Variants in C16orf46 observed in about 807,000 individuals in gnomAD.
C16orf46 encodes uncharacterized protein C16orf46.
Under a neutral mutation model 5.5 loss-of-function variants are expected in C16orf46, and 7 were observed. The observed-to-expected ratio is 1.28, with a 90% confidence interval of 0.73 to 2.40. C16orf46 has a LOEUF of 2.40. Ranked by LOEUF, C16orf46 falls within the 30% of genes most tolerant of loss-of-function variation. The probability of loss-of-function intolerance (pLI) is 0.00; values close to 1 mark genes in which losing one functional copy is unlikely to be tolerated. For missense variants in C16orf46, 614 were observed against 476.0 expected (o/e 1.29, Z -2.70); for synonymous variants, 200 against 184.1 (o/e 1.09, Z -0.70).
Position 81,061,853 on chromosome 16 carries a change from T to C in C16orf46, c.496A>G (p.Lys166Glu). Residue 166 changes from lysine to glutamate, a missense_variant, in exon 4 of 4, where the codon AAG becomes GAG. Lys to Glu is a moderately conservative substitution (Grantham distance 56). Coordinates refer to ENST00000299578, the MANE Select transcript of C16orf46 (RefSeq NM_152337.3). ...FRAEKKSLQI[K>E]EFIWCNKDWA... ...TCTTTGTTGCACCAAATAAACTCCT[T>C]GATTTGCAGACTTTTTTTCTCTGCT... 1.9e-6 allele frequency: 3 copies of C among 1,614,194 alleles called. No homozygotes were observed. The highest frequency in any genetic ancestry group is 2.5e-6 in the Non-Finnish European group (3 of 1,180,040).
chr16:81,061,757 A>G lies in C16orf46; in HGVS notation c.592T>C (p.Ser198Pro), dbSNP rs1971485799. 5.0e-6 allele frequency: 8 copies of G among 1,613,754 alleles called. No individual in the cohort carries two copies. The highest frequency in any genetic ancestry group is 5.9e-6 in the Non-Finnish European group (7 of 1,179,918). The change falls in exon 4 of 4, where the codon TCC becomes CCC. Residue 198 changes from serine (S) to proline (P), a missense_variant. Physicochemically the swap from Ser to Pro is moderately conservative, Grantham distance 74. Transcript: ENST00000299578. ...NPSGGAHRGL[S>P]IPGPLTSRAL... The stretch of plus-strand genomic sequence containing the variant: ...CTGGAAGTCAGGGGGCCTGGGATGG[A>G]CAGCCCTCTGTGGGCCCCTCCACTG...
downstream of C16orf46, among the ~76,000 whole-genome samples, chr16:81,059,950 G>A (rs753402622): frequency 4.4e-4 from 67 of 151,836 alleles, no homozygotes; most frequent in Admixed American, 1.1e-3. Flanking sequence ...CACCACGCCC[G>A]GCTAATTTTT....
At chr16:81,059,462 C>G (rs10459871), downstream of C16orf46, among the ~76,000 whole-genome samples, 12,145 of 152,106 alleles carry the variant, frequency 0.08, 535 homozygotes, top group East Asian at 0.2. Context: ...TCAAGTCCAA[C>G]CTACCTTAAG....
intron 3 of C16orf46, among the ~76,000 whole-genome samples, chr16:81,062,906 A>G (rs1221199905): frequency 1.6e-5 from 2 of 122,016 alleles, no homozygotes; most frequent in Non-Finnish European, 3.5e-5. Context: ...GTTTTCTTAT[A>G]GTTTTAAATA....
intron 1 of C16orf46, among the ~76,000 whole-genome samples, chr16:81,070,751 G>T (rs902862105): frequency 1.3e-5 from 2 of 152,212 alleles, no homozygotes; most frequent in Middle Eastern, 3.4e-3. Flanking sequence ...GCAATGGCAT[G>T]GTCTCGGCTC....
chr16:81,061,308 A>G lies in C16orf46; in HGVS notation c.1041T>C (p.Pro347=), dbSNP rs537563624. 2.0e-5 allele frequency: 32 copies of G among 1,614,112 alleles called. No individual in the cohort carries two copies. In the South Asian group the frequency reaches 3.5e-4, roughly 18 times the overall value. The stretch of plus-strand genomic sequence containing the variant: ...GGAGAACATGCTTTCGGGTGATCAC[A>G]GGAGATCTTGGCTCCTTGGCTTTGA... ...SKFKAKEPRS[P]VITRKHVLPK... The change falls in exon 4 of 4, where the codon CCT becomes CCC. Residue 347 remains proline, a synonymous_variant. Transcript: ENST00000299578.
At chr16:81,055,038 CTAAA>C (rs1345485306) in intron 3 of C16orf46, among the ~76,000 whole-genome samples, 1 of 152,208 alleles carries the variant, frequency 6.6e-6, no homozygotes, top group African/African-American at 2.4e-5. Context: ...TTAAAGTTCT[CTAAA>C]TAACTACCAT....
Position 81,061,098 on chromosome 16 carries a change from A to C in C16orf46, c.*63T>G. ...GGGGGTGGGTGGGAAATGAGAGAGAAGAAAGAGAAAGGATGGCTGCATCTC... is the reference window on the plus strand; with the variant it reads ...GGGGGTGGGTGGGAAATGAGAGAGACGAAAGAGAAAGGATGGCTGCATCTC... On this transcript the variant is annotated 3_prime_UTR_variant, in exon 4 of 4. Transcript: ENST00000299578. 6.6e-7 allele frequency: 1 copy of C among 1,515,162 alleles called. No individual in the cohort carries two copies. The highest frequency in any genetic ancestry group is 8.8e-7 in the Non-Finnish European group (1 of 1,132,238). The allele number at this position is 1,515,162 out of a possible 1,614,324, so 93.9% of individuals were successfully genotyped here.
intron 2 of C16orf46, among the ~76,000 whole-genome samples, chr16:81,065,812 TTTTTA>T (rs1270706393): frequency 1.7e-5 from 2 of 117,052 alleles, no homozygotes; most frequent in African/African-American, 3.2e-5. Context: ...AGGCTTAGTT[TTTTTA>T]TTTTGTTTTG....
At chr16:81,055,597 G>A (rs927987473) in intron 3 of C16orf46, 2 of 152,218 alleles carry the variant, frequency 1.3e-5, no homozygotes, top group African/African-American at 4.8e-5. Flanking sequence ...GGGAGGCTAT[G>A]GTAGGAGGAT....
In C16orf46 at chr16:81,061,814, C is replaced by T. The variant is rs761730810; in HGVS notation, c.535G>A (p.Gly179Ser). The change falls in exon 4 of 4, where the codon GGC becomes AGC. Residue 179 changes from glycine (G) to serine (S), a missense_variant. Coordinates refer to ENST00000299578, the MANE Select transcript of C16orf46 (RefSeq NM_152337.3). The part of the protein sequence containing the change: ...IWCNKDWAIP[G>S]TNRGKASGNP... ...CCAGAGGCCTTGCCCCTATTAGTGC[C>T]GGGGATGGCCCAGTCTTTGTTGCAC... 31 of 1,614,058 alleles carry T rather than the reference C, an allele frequency of 1.9e-5. No individual in the cohort carries two copies. The East Asian group carries it at 5.6e-4, about 29-fold the overall frequency.
At position 81,062,138 on chromosome 16, in the gene C16orf46, C is replaced by T. The variant is rs879028808; in HGVS notation, c.211G>A (p.Val71Ile). The T allele has an allele frequency of 6.4e-7, 1 of 1,562,322 alleles. No individual in the cohort carries two copies. Among genetic ancestry groups the T allele is most frequent in the Admixed American group, 1.8e-5 (1 of 54,460 alleles). The change falls in exon 4 of 4, where the codon GTC (valine) becomes ATC (isoleucine). Residue 71 changes from valine to isoleucine, a missense_variant and splice_region_variant. Physicochemically the swap from Val to Ile is conservative, Grantham distance 29. Transcript: ENST00000299578. ...GGAGAAGTCCTTCCCCACCCTTGGA[C>T]CTGCAAATAAAGCGGCATGTTACTC... ...FIIGTGWEEA[V>I]QGWGRTSPAA...
rs1445582217 is a variant in C16orf46, at chr16:81,066,291, A to G, written c.-127-10T>C. 6.6e-6 allele frequency: 1 copy of G among 152,122 alleles called. No individual in the cohort carries two copies. The highest frequency in any genetic ancestry group is 1.5e-5 in the Non-Finnish European group (1 of 68,034). The allele number at this position is 152,122 out of a possible 1,614,324, so 9.4% of individuals were successfully genotyped here. A position where few individuals can be genotyped will look rare whatever the true frequency, so the allele number is the denominator to read the frequency against. On this transcript the variant is annotated splice_polypyrimidine_tract_variant and intron_variant, in intron 1 of 3. Transcript: ENST00000299578. ...ATATTGGGGTCTTTTCCTAATTAAA[A>G]AGAAATTCAGTTAGTGGATAGGAAA...
chr16:81,068,090 A>C lies in C16orf46; in HGVS notation c.-127-1809T>G, dbSNP rs79572424. On this transcript the variant is annotated intron_variant, in intron 1 of 3. Transcript: ENST00000299578. ...GAAAAGAATAGACATTACTATTTGG[A>C]TCTGTGACACTATATTGAGATCATG... Among the ~76,000 whole-genome samples the C allele has an allele frequency of 2.0e-4, 30 of 152,350 alleles. No homozygotes were observed. The East Asian group carries it at 4.6e-3, about 23-fold the overall frequency.
intron 3 of C16orf46, 52 bp from the exon 4 acceptor site, chr16:81,062,190 T>C (rs1166642121): frequency 1.4e-6 from 2 of 1,457,180 alleles, no homozygotes; most frequent in South Asian, 3.2e-5. Context: ...CAAACTGTCC[T>C]TGCCCCAATT....
chr16:81,069,445 G>GT (rs1212921539), intron 1 of C16orf46, among the ~76,000 whole-genome samples: 1 of 152,222 alleles, frequency 6.6e-6, no homozygotes, highest in Non-Finnish European at 1.5e-5. Context: ...GATGCAGAGT[G>GT]TGATGGCAAA....
intron 1 of C16orf46, among the ~76,000 whole-genome samples, chr16:81,075,020 G>A (rs1362940766): frequency 6.6e-6 from 1 of 152,076 alleles, no homozygotes; most frequent in Non-Finnish European, 1.5e-5. Context: ...TCTACATCAC[G>A]GATAAAGACG....
intron 1 of C16orf46, among the ~76,000 whole-genome samples, chr16:81,073,020 CTA>C (rs1442631619): frequency 6.6e-6 from 1 of 152,160 alleles, no homozygotes; most frequent in East Asian, 1.9e-4. Context: ...GAGTTACATA[CTA>C]AAGGGAACTA....
In C16orf46 at chr16:81,061,730, C is replaced by A; in HGVS notation, c.619G>T (p.Ala207Ser). The A allele has an allele frequency of 1.2e-6, 2 of 1,613,996 alleles. No individual in the cohort carries two copies. The highest frequency in any genetic ancestry group is 1.7e-6 in the Non-Finnish European group (2 of 1,180,034). ...TTCAGGGGAGGCAGAACTAGGAGGG[C>A]CCTGGAAGTCAGGGGGCCTGGGATG... ...LSIPGPLTSR[A>S]LLVLPPLKAS... The change falls in exon 4 of 4, where the codon GCC becomes TCC. Residue 207 changes from alanine (A) to serine (S), a missense_variant. Coordinates refer to ENST00000299578, the MANE Select transcript of C16orf46 (RefSeq NM_152337.3).
Sources: gnomAD v4.1 joint callset for allele counts (sites outside exome capture counted in the v4.1 genomes callset) on GRCh38, gnomAD v4.1.1 for gene constraint, MANE v1.5 for transcripts, NCBI Gene and HGNC (gene_info 2026-07-23, HGNC 2026-07-21) for gene names.